MGAT4C: variants seen among roughly 807,000 people sequenced by gnomAD.
MGAT4C encodes MGAT4 family member C, also known as alpha-1,3-mannosyl-glycoprotein 4-beta-N-acetylglucosaminyltransferase C.
A neutral mutation model predicts 40.1 loss-of-function variants in MGAT4C; 19 were observed. That is an observed-to-expected ratio of 0.47 (90% CI 0.33 to 0.70). The LOEUF (loss-of-function observed/expected upper bound fraction) is 0.70, where lower values mean the gene tolerates loss of function less well. Among genes scored for constraint, MGAT4C ranks in the 30% least tolerant of loss-of-function variants. MGAT4C has a pLI of 0.02. For missense variants in MGAT4C, 491 were observed against 563.2 expected (o/e 0.87, Z 1.30); for synonymous variants, 181 against 187.1 (o/e 0.97, Z 0.27).
chr12:86,748,253 A>G (rs1392841897), intron 1 of MGAT4C, among the ~76,000 whole-genome samples: 2 of 151,604 alleles, frequency 1.3e-5, no homozygotes, highest in Non-Finnish European at 3.0e-5. Flanking sequence ...TCATTTTCAT[A>G]TAATATTGGC....
At chr12:86,398,225 G>A (rs922909814) in intron 3 of MGAT4C, among the ~76,000 whole-genome samples, 2 of 152,152 alleles carry the variant, frequency 1.3e-5, no homozygotes, top group African/African-American at 4.8e-5. Context: ...AGGCTGTAGG[G>A]AAGAATCAAT....
At chr12:86,194,463 T>C (rs1254508788) in intron 1 of MGAT4C, among the ~76,000 whole-genome samples, 1 of 151,914 alleles carries the variant, frequency 6.6e-6, no homozygotes, top group African/African-American at 2.4e-5. Context: ...TCAATTTTTT[T>C]TTTTTTTTGA....
At chr12:86,765,281 A>G (rs1951484567) in intron 1 of MGAT4C, among the ~76,000 whole-genome samples, 1 of 152,236 alleles carries the variant, frequency 6.6e-6, no homozygotes, top group Non-Finnish European at 1.5e-5. Flanking sequence ...GTAAGATCAA[A>G]TGAATGAAAT....
At chr12:86,221,330 G>A (rs980076819) in intron 1 of MGAT4C, among the ~76,000 whole-genome samples, 11 of 152,056 alleles carry the variant, frequency 7.2e-5, no homozygotes, top group African/African-American at 2.7e-4. Flanking sequence ...GCTACCTCTT[G>A]TACATCAAGT....
intron 1 of MGAT4C, among the ~76,000 whole-genome samples, chr12:86,211,169 G>T (rs550669605): frequency 2.0e-5 from 3 of 148,508 alleles, no homozygotes; most frequent in South Asian, 4.3e-4. Flanking sequence ...ACGAGCAAAA[G>T]CCCTTGTTAG....
At chr12:86,286,068 T>C (rs1477721365) in intron 4 of MGAT4C, among the ~76,000 whole-genome samples, 1 of 152,080 alleles carries the variant, frequency 6.6e-6, no homozygotes, top group African/African-American at 2.4e-5. Context: ...TTTTCTATAA[T>C]AAACATACTG....
At chr12:86,681,610 A>T (rs1949983578) in intron 2 of MGAT4C, among the ~76,000 whole-genome samples, 1 of 152,018 alleles carries the variant, frequency 6.6e-6, no homozygotes, top group Non-Finnish European at 1.5e-5. Context: ...TCAATCTTCT[A>T]AAGAAATCTA....
chr12:86,827,601 G>A lies in MGAT4C; in HGVS notation c.-262+11065C>T, dbSNP rs113394073. Among the ~76,000 whole-genome samples the A allele has an allele frequency of 2.2e-3, 335 of 151,332 alleles. 1 individual carries two copies. The highest frequency in any genetic ancestry group is 7.6e-3 in the African/African-American group (315 of 41,426). On this transcript the variant is annotated intron_variant, in intron 1 of 7. Coordinates refer to the MGAT4C transcript ENST00000548651. ...AGCAAACAATGACACTTAGAGAAAT[G>A]TATACTTAAGAGTTCAACGAAAGAA...
chr12:86,238,330 C>A (rs1951640139), intron 1 of MGAT4C, among the ~76,000 whole-genome samples: 1 of 151,880 alleles, frequency 6.6e-6, no homozygotes, highest in South Asian at 2.1e-4. Flanking sequence ...TTGCATGTTA[C>A]CATATTTTAT....
At chr12:86,106,650 T>C (rs892797160) in intron 1 of MGAT4C, among the ~76,000 whole-genome samples, 1 of 150,960 alleles carries the variant, frequency 6.6e-6, no homozygotes, top group Non-Finnish European at 1.5e-5. Flanking sequence ...TGAAGGTGTA[T>C]ATGGTCTTTT....
At chr12:86,569,914 C>G (rs1960292885) in intron 2 of MGAT4C, among the ~76,000 whole-genome samples, 1 of 151,978 alleles carries the variant, frequency 6.6e-6, no homozygotes, top group African/African-American at 2.4e-5. Context: ...ATGGATGAAC[C>G]TGGAGGGCAT....
chr12:86,624,988 G>A (rs561782690), intron 2 of MGAT4C, among the ~76,000 whole-genome samples: 178 of 152,110 alleles, frequency 1.2e-3, no homozygotes, highest in Non-Finnish European at 2.2e-3. Flanking sequence ...TCTGGTGGGA[G>A]GTGACTGGAT....
chr12:86,552,449 T>A (rs1474249519), intron 2 of MGAT4C, among the ~76,000 whole-genome samples: 3 of 152,112 alleles, frequency 2.0e-5, no homozygotes, highest in African/African-American at 4.8e-5. Flanking sequence ...TAAGTTCTAG[T>A]GTTCTATGCC....
intron 1 of MGAT4C, among the ~76,000 whole-genome samples, chr12:86,788,503 C>T (rs1027103325): frequency 1.3e-5 from 2 of 152,070 alleles, no homozygotes; most frequent in Non-Finnish European, 2.9e-5. Flanking sequence ...CTGTCCTATA[C>T]AAGGACTGTT....
At chr12:86,210,149 C>G (rs925091372) in intron 1 of MGAT4C, among the ~76,000 whole-genome samples, 1 of 152,076 alleles carries the variant, frequency 6.6e-6, no homozygotes, top group African/African-American at 2.4e-5. Context: ...GAATCGTGGT[C>G]TTTTTACACA....
At chr12:86,145,928 C>A (rs561976469) in intron 1 of MGAT4C, among the ~76,000 whole-genome samples, 2 of 151,728 alleles carry the variant, frequency 1.3e-5, no homozygotes, top group Non-Finnish European at 2.9e-5. Context: ...CTACTAGATG[C>A]GACATGAAAA....
intron 1 of MGAT4C, among the ~76,000 whole-genome samples, chr12:86,760,357 G>T (rs1258577190): frequency 6.6e-6 from 1 of 151,960 alleles, no homozygotes; most frequent in African/African-American, 2.4e-5. Flanking sequence ...ACTGACTTAG[G>T]CACGGATTTT....
intron 1 of MGAT4C, among the ~76,000 whole-genome samples, chr12:86,073,857 AATGAG>A (rs1592856580): frequency 6.6e-6 from 1 of 152,244 alleles, no homozygotes; most frequent in Non-Finnish European, 1.5e-5. Context: ...CTAATGCTGA[AATGAG>A]ATAAGACTTT....
chr12:86,089,439 G>C lies in MGAT4C; in HGVS notation c.-56-39716C>G, dbSNP rs572342574. ...ACATGTACATGCAGTTATAGATTGA[G>C]CTTGTTGAGTTTTTCTATTAAAATT... is the stretch of plus-strand genomic sequence containing the variant. On this transcript the variant is annotated intron_variant, in intron 1 of 4. Coordinates refer to ENST00000611864, the MANE Select transcript of MGAT4C (RefSeq NM_001351288.2). Among the ~76,000 whole-genome samples, 6 of 151,888 alleles carry C rather than the reference G, an allele frequency of 4.0e-5. No individual in the cohort carries two copies. In the South Asian group the frequency reaches 1.2e-3, roughly 31 times the overall value.
Sources: gnomAD v4.1 joint callset for allele counts (sites outside exome capture counted in the v4.1 genomes callset) on GRCh38, gnomAD v4.1.1 for gene constraint, MANE v1.5 for transcripts, NCBI Gene and HGNC (gene_info 2026-07-23, HGNC 2026-07-21) for gene names.